The following TENM3 variants were observed in gnomAD, a reference collection of about 807,000 sequenced individuals.
TENM3 encodes teneurin transmembrane protein 3, also known as teneurin-3.
In TENM3, 63 loss-of-function variants were observed where a neutral mutation model predicts 255.1. The observed-to-expected ratio is 0.25, with a 90% CI of 0.20 to 0.30. The LOEUF (loss-of-function observed/expected upper bound fraction) is 0.30, where lower values mean the gene tolerates loss of function less well. Among genes scored for constraint, TENM3 ranks in the 10% least tolerant of loss-of-function variants. The probability of loss-of-function intolerance (pLI) is 1.00; values close to 1 mark genes in which losing one functional copy is unlikely to be tolerated. For missense variants in TENM3, 2,929 were observed against 3,461.1 expected, an observed-to-expected ratio of 0.85 and a Z score of 3.86; for synonymous variants, 1,306 against 1,322.3, an observed-to-expected ratio of 0.99 and a Z score of 0.27.
chr4:182,445,006 A>C (rs929079661), intron 3 of TENM3, among the ~76,000 whole-genome samples: 1 of 152,104 alleles, frequency 6.6e-6, no homozygotes, highest in Non-Finnish European at 1.5e-5. Flanking sequence ...ATGGGGTTTC[A>C]CTATGTTGGC....
chr4:182,784,909 C>T (rs1019454405), intron 24 of TENM3, among the ~76,000 whole-genome samples: 7 of 152,234 alleles, frequency 4.6e-5, no homozygotes, highest in South Asian at 2.1e-4. Flanking sequence ...CGCCCTGCTT[C>T]GGCTCGCGCA....
chr4:181,448,726 T>C, the TENM3 span, among the ~76,000 whole-genome samples: 3 of 152,196 alleles, frequency 2.0e-5, no homozygotes, highest in Non-Finnish European at 4.4e-5. Context: ...GATATGTAGA[T>C]CTAATTTTTA....
At chr4:182,422,928 G>C (rs943970864) in intron 3 of TENM3, among the ~76,000 whole-genome samples, 1 of 152,130 alleles carries the variant, frequency 6.6e-6, no homozygotes, top group Admixed American at 6.5e-5. Flanking sequence ...CGGAGCTCAC[G>C]GAGCTCGTAG....
At chr4:182,393,778 A>ACTTTATCACAGAGGATTGCTGG (rs1768606673) in intron 3 of TENM3, among the ~76,000 whole-genome samples, 1 of 152,190 alleles carries the variant, frequency 6.6e-6, no homozygotes, top group Non-Finnish European at 1.5e-5. Flanking sequence ...AGTCAATGAC[A>ACTTTATCACAGAGGATTGCTGG]CTTTATCACA....
intron 13 of TENM3, among the ~76,000 whole-genome samples, chr4:182,726,528 A>T (rs1760199207): frequency 6.6e-6 from 1 of 152,150 alleles, no homozygotes; most frequent in Non-Finnish European, 1.5e-5. Flanking sequence ...GAGGGGTAAG[A>T]ATCTCTTTTT....
At chr4:181,950,671 A>G in the TENM3 span, among the ~76,000 whole-genome samples, 5 of 152,186 alleles carry the variant, frequency 3.3e-5, no homozygotes, top group Non-Finnish European at 7.3e-5. Context: ...CATTGTATTC[A>G]TGCACTGTTA....
intron 3 of TENM3, among the ~76,000 whole-genome samples, chr4:182,486,968 G>A (rs115470574): frequency 0.019 from 2,844 of 152,216 alleles, 50 homozygotes; most frequent in Admixed American, 0.031. Flanking sequence ...ATTACATGAC[G>A]AGACCCCCTG....
the TENM3 span, among the ~76,000 whole-genome samples, chr4:181,767,175 C>T: frequency 3.4e-5 from 5 of 148,274 alleles, no homozygotes; most frequent in Middle Eastern, 3.5e-3. Flanking sequence ...TGGCGTGAAC[C>T]CGGGAGGCGG....
chr4:181,840,571 A>AG, the TENM3 span, among the ~76,000 whole-genome samples: 1 of 152,150 alleles, frequency 6.6e-6, no homozygotes, highest in African/African-American at 2.4e-5. Context: ...CTGGCTTATA[A>AG]CTATGAATTA....
chr4:182,559,260 A>C (rs1331160940), intron 3 of TENM3, among the ~76,000 whole-genome samples: 2 of 151,820 alleles, frequency 1.3e-5, no homozygotes, highest in Non-Finnish European at 2.9e-5. Context: ...TCCTGAGAAC[A>C]GTACAATGCT....
At chr4:182,331,460 C>T (rs147561833) in intron 2 of TENM3, among the ~76,000 whole-genome samples, 41 of 152,150 alleles carry the variant, frequency 2.7e-4, no homozygotes, top group Admixed American at 7.9e-4. Context: ...GCACAAGAAG[C>T]GCTTGAACCC....
chr4:182,488,769 A>T (rs1416380571), intron 3 of TENM3, among the ~76,000 whole-genome samples: 1 of 152,158 alleles, frequency 6.6e-6, no homozygotes, highest in African/African-American at 2.4e-5. Context: ...AATGAAGACT[A>T]TATAAAATTA....
the TENM3 span, among the ~76,000 whole-genome samples, chr4:181,628,553 G>A: frequency 0.034 from 5,160 of 152,252 alleles, 132 homozygotes; most frequent in Middle Eastern, 0.14. Context: ...TCTACATATG[G>A]CTAGCCAGTT....
At chr4:182,076,162 G>C in the TENM3 span, among the ~76,000 whole-genome samples, 1 of 151,192 alleles carries the variant, frequency 6.6e-6, no homozygotes, top group Non-Finnish European at 1.5e-5. Context: ...CAAAGTGCTG[G>C]GATTATAGGC....
the TENM3 span, among the ~76,000 whole-genome samples, chr4:181,639,800 A>T: frequency 6.6e-6 from 1 of 152,124 alleles, no homozygotes; most frequent in African/African-American, 2.4e-5. Context: ...AGCTACTGTG[A>T]CACTACACAC....
the TENM3 span, among the ~76,000 whole-genome samples, chr4:181,452,128 T>C: frequency 6.6e-6 from 1 of 152,128 alleles, no homozygotes; most frequent in Admixed American, 6.6e-5. Flanking sequence ...AGTAACATCA[T>C]TGGTAGCCAT....
intron 3 of TENM3, among the ~76,000 whole-genome samples, chr4:182,460,068 T>C (rs997367365): frequency 6.6e-6 from 1 of 152,084 alleles, no homozygotes; most frequent in Admixed American, 6.6e-5. Flanking sequence ...TCTAACGAGG[T>C]ACCTTGTTGG....
the TENM3 span, among the ~76,000 whole-genome samples, chr4:181,484,255 G>A: frequency 5.3e-5 from 8 of 151,904 alleles, no homozygotes; most frequent in Non-Finnish European, 8.8e-5. Context: ...TTGATCACTC[G>A]GGAGAGATTA....
chr4:182,430,665 A>T (rs1771554740), intron 3 of TENM3, among the ~76,000 whole-genome samples: 1 of 151,926 alleles, frequency 6.6e-6, no homozygotes, highest in South Asian at 2.1e-4. Context: ...TAAGGATATT[A>T]GGTTTGGCTT....
Sources: allele counts gnomAD v4.1 joint callset (sites outside exome capture counted in the v4.1 genomes callset), GRCh38; gene constraint gnomAD v4.1.1; transcripts MANE v1.5; gene names NCBI Gene and HGNC (gene_info 2026-07-23, HGNC 2026-07-21).